Variants in KAZN observed in about 807,000 individuals in gnomAD.
KAZN encodes the protein kazrin, periplakin interacting protein.
KAZN carries 40 observed loss-of-function variants against 87.4 expected under a neutral mutation model. That is an observed-to-expected ratio of 0.46 (90% CI 0.36 to 0.60). The LOEUF (loss-of-function observed/expected upper bound fraction) is 0.60, where lower values mean the gene tolerates loss of function less well. Among genes scored for constraint, KAZN ranks in the 20% least tolerant of loss-of-function variants. The pLI is 0.00. For synonymous variants in KAZN, 466 were observed against 458.3 expected (o/e 1.02, Z -0.22); for missense variants, 898 against 1,073.9 (o/e 0.84, Z 2.29).
At chr1:13,988,665 C>A (rs1191338174) in intron 1 of KAZN, among the ~76,000 whole-genome samples, 1 of 152,096 alleles carries the variant, frequency 6.6e-6, no homozygotes. Flanking sequence ...TACAGTCCAG[C>A]TATGTGAGTA....
chr1:14,125,874 A>G (rs4661472), intron 1 of KAZN, among the ~76,000 whole-genome samples: 85,898 of 150,346 alleles, frequency 0.57, 25,715 homozygotes, highest in East Asian at 0.76. Flanking sequence ...AGATTCAGGC[A>G]ACAAAGATCA....
intron 1 of KAZN, among the ~76,000 whole-genome samples, chr1:14,809,021 ACT>A (rs141392086): frequency 7.9e-4 from 120 of 152,214 alleles, no homozygotes; most frequent in African/African-American, 2.8e-3. Context: ...TAGTCATGTG[ACT>A]CTCTGCTTCA....
chr1:15,005,596 G>A (rs531159561), intron 2 of KAZN, among the ~76,000 whole-genome samples: 5 of 151,988 alleles, frequency 3.3e-5, no homozygotes, highest in Non-Finnish European at 7.4e-5. Context: ...AACCAGCCTG[G>A]CCAATGTGGC....
chr1:14,149,083 C>T (rs1323096888), intron 1 of KAZN, among the ~76,000 whole-genome samples: 21 of 120,092 alleles, frequency 1.7e-4, no homozygotes, highest in African/African-American at 1.7e-4. Context: ...TCCTTCCTTC[C>T]TTCCTTCCTT....
Position 14,773,164 on chromosome 1 carries a change from G to T in KAZN, c.226+173941G>T, listed in dbSNP as rs1450885088. On this transcript the variant is annotated intron_variant, in intron 1 of 14. Coordinates refer to ENST00000376030, the MANE Select transcript of KAZN (RefSeq NM_201628.3). The surrounding 1 kb of genome is among the most constrained non-coding windows in gnomAD (Gnocchi z 5.9). Reference sequence around the variant, plus strand: ...TGGAAGAAGCTTGGCAAGATTAGAGGTGCCTGCTCCTTTTGGAGCCTTTCA... The same window carrying T: ...TGGAAGAAGCTTGGCAAGATTAGAGTTGCCTGCTCCTTTTGGAGCCTTTCA... 6.6e-6 allele frequency among the ~76,000 whole-genome samples: 1 copy of T among 152,142 alleles called. No individual in the cohort carries two copies. The highest frequency in any genetic ancestry group is 2.4e-5 in the African/African-American group (1 of 41,426).
intron 2 of KAZN, among the ~76,000 whole-genome samples, chr1:14,550,738 T>TCTCTCTCTCTCTCC (rs1329797253): frequency 5.3e-5 from 2 of 37,990 alleles, no homozygotes; most frequent in Non-Finnish European, 1.1e-4. Context: ...TCTCTCTCTC[T>TCTCTCTCTCTCTCC]CCCCCACCCC....
At chr1:14,476,305 C>G (rs1668719352) in intron 2 of KAZN, among the ~76,000 whole-genome samples, 2 of 152,220 alleles carry the variant, frequency 1.3e-5, no homozygotes, top group Non-Finnish European at 2.9e-5. Flanking sequence ...TGCCCTTGGT[C>G]TCAAATAGTT....
chr1:14,290,857 G>C (rs979529425), intron 2 of KAZN, among the ~76,000 whole-genome samples: 4 of 152,172 alleles, frequency 2.6e-5, no homozygotes, highest in African/African-American at 9.7e-5. Flanking sequence ...CTACAGATTG[G>C]GTTTTGGTGT....
intron 2 of KAZN, among the ~76,000 whole-genome samples, chr1:14,417,451 A>G (rs965916936): frequency 2.6e-5 from 4 of 152,306 alleles, no homozygotes; most frequent in South Asian, 4.1e-4. Context: ...TAAGAAGCCT[A>G]TAAGGAAACC....
chr1:14,298,219 G>A (rs924699829), intron 2 of KAZN, among the ~76,000 whole-genome samples: 3 of 152,030 alleles, frequency 2.0e-5, no homozygotes, highest in East Asian at 1.9e-4. Context: ...ATTCAGACCC[G>A]GTGTCTTAAA....
At chr1:14,888,951 GGAA>G (rs1312142112) in intron 1 of KAZN, among the ~76,000 whole-genome samples, 1 of 152,158 alleles carries the variant, frequency 6.6e-6, no homozygotes, top group Non-Finnish European at 1.5e-5. Context: ...AGGCCACATT[GGAA>G]GAAGAATTGT....
chr1:14,720,974 T>G (rs1643068424), intron 1 of KAZN, among the ~76,000 whole-genome samples: 1 of 152,242 alleles, frequency 6.6e-6, no homozygotes. Context: ...TGACCAGTTC[T>G]GGCTTGGCCC....
At chr1:14,224,624 T>C (rs1647199721) in intron 2 of KAZN, among the ~76,000 whole-genome samples, 1 of 152,086 alleles carries the variant, frequency 6.6e-6, no homozygotes, top group African/African-American at 2.4e-5. Flanking sequence ...CTCCTTAGTT[T>C]GAAAGAAGCT....
rs1646704021 is a variant in KAZN, at chr1:14,820,373, A to G, written c.227-140311A>G. 6.6e-6 allele frequency among the ~76,000 whole-genome samples: 1 copy of G among 152,232 alleles called. No homozygotes were observed. Among genetic ancestry groups the G allele is most frequent in the South Asian group, 2.1e-4 (1 of 4,832 alleles). On this transcript the variant is annotated intron_variant, in intron 1 of 14. Transcript: ENST00000376030. This position sits in a 1 kb window ranked among gnomAD's most constrained non-coding sequence, Gnocchi z 4.1. ...GCCATCTGCCAATTTCAAGTGCCACATCATCTGGGTATCATGAGAGCCCAT... is the reference window on the plus strand; with the variant it reads ...GCCATCTGCCAATTTCAAGTGCCACGTCATCTGGGTATCATGAGAGCCCAT...
At chr1:14,950,166 G>A (rs1662310133) in intron 1 of KAZN, among the ~76,000 whole-genome samples, 2 of 152,096 alleles carry the variant, frequency 1.3e-5, no homozygotes, top group Non-Finnish European at 2.9e-5. Flanking sequence ...GAGTGGGTGG[G>A]TGTTATTTGA....
At chr1:14,806,138 C>A (rs11581911) in intron 1 of KAZN, among the ~76,000 whole-genome samples, 7,975 of 152,258 alleles carry the variant, frequency 0.052, 315 homozygotes, top group African/African-American at 0.11. Context: ...GGAGGAACTC[C>A]CCAGGGTTCC....
intron 1 of KAZN, among the ~76,000 whole-genome samples, chr1:14,850,306 G>A (rs1649289410): frequency 6.6e-6 from 1 of 152,132 alleles, no homozygotes; most frequent in African/African-American, 2.4e-5. Context: ...TGGGGAAGAT[G>A]ACTCATAAAC....
At chr1:14,158,238 A>T (rs1464751832) in intron 1 of KAZN, among the ~76,000 whole-genome samples, 3 of 151,952 alleles carry the variant, frequency 2.0e-5, no homozygotes, top group Non-Finnish European at 4.4e-5. Context: ...AATAACTTAC[A>T]TTTGCTCTTT....
chr1:14,168,789 G>A (rs1270017884), intron 1 of KAZN, among the ~76,000 whole-genome samples: 2 of 152,158 alleles, frequency 1.3e-5, no homozygotes, highest in South Asian at 2.1e-4. Flanking sequence ...TGAAACCATC[G>A]AGACTCTGTT....
Sources: allele counts gnomAD v4.1 joint callset (sites outside exome capture counted in the v4.1 genomes callset), GRCh38; gene constraint gnomAD v4.1.1; non-coding constraint Gnocchi (gnomAD v3.1); transcripts MANE v1.5; gene names NCBI Gene and HGNC (gene_info 2026-07-23, HGNC 2026-07-21).